The following GHR variants were observed in gnomAD, a reference collection of about 807,000 sequenced individuals.
GHR encodes growth hormone receptor.
A neutral mutation model predicts 67.1 loss-of-function variants in GHR; 35 were observed. The observed-to-expected ratio is 0.52, with a 90% CI of 0.40 to 0.69. The LOEUF (loss-of-function observed/expected upper bound fraction) is 0.69. Among genes scored for constraint, GHR ranks in the 30% least tolerant of loss-of-function variants. The pLI is 0.00. For synonymous variants in GHR, 272 were observed against 269.1 expected (o/e 1.01, Z -0.10); for missense variants, 792 against 764.6 (o/e 1.04, Z -0.42).
At chr5:42,645,087 C>T (rs189372442) in intron 3 of GHR, among the ~76,000 whole-genome samples, 2 of 152,114 alleles carry the variant, frequency 1.3e-5, no homozygotes, top group Non-Finnish European at 2.9e-5. Flanking sequence ...TGTGAGAAAA[C>T]CAGAAAATAT....
At chr5:42,593,455 T>G (rs1751899041) in intron 2 of GHR, among the ~76,000 whole-genome samples, 1 of 152,166 alleles carries the variant, frequency 6.6e-6, no homozygotes, top group Non-Finnish European at 1.5e-5. Flanking sequence ...TGGTGAGCAT[T>G]TATAGAGTCC....
intron 2 of GHR, among the ~76,000 whole-genome samples, chr5:42,608,617 A>G (rs1469445258): frequency 1.3e-5 from 2 of 152,212 alleles, no homozygotes; most frequent in African/African-American, 4.8e-5. Flanking sequence ...AGATTGAAAG[A>G]CACTAATTAA....
intron 1 of GHR, among the ~76,000 whole-genome samples, chr5:42,522,650 T>G (rs1256813064): frequency 6.6e-6 from 1 of 152,196 alleles, no homozygotes; most frequent in African/African-American, 2.4e-5. Flanking sequence ...GAGATTGCTA[T>G]CTACTCATCA....
At chr5:42,643,948 C>T (rs1754604736) in intron 3 of GHR, among the ~76,000 whole-genome samples, 1 of 151,986 alleles carries the variant, frequency 6.6e-6, no homozygotes, top group South Asian at 2.1e-4. Context: ...TGAATTTTTG[C>T]ATGAATTGCA....
At chr5:42,441,428 T>G (rs1399304818) in intron 1 of GHR, among the ~76,000 whole-genome samples, 1 of 151,862 alleles carries the variant, frequency 6.6e-6, no homozygotes, top group South Asian at 2.1e-4. Flanking sequence ...AGAGAGACAA[T>G]GAATATAGAT....
At position 42,721,439 on chromosome 5, in the gene GHR, C is replaced by T. The variant is rs1303790195; in HGVS notation, c.*2015C>T. On this transcript the variant is annotated 3_prime_UTR_variant, in exon 10 of 10. Transcript: ENST00000230882. Reference sequence around the variant, plus strand: ...TAAATTCTCTCTCTTGCAGGAAGGACTATGAAAAGCTAGAATTGAGTGTTT... The same window carrying T: ...TAAATTCTCTCTCTTGCAGGAAGGATTATGAAAAGCTAGAATTGAGTGTTT... The T allele has an allele frequency of 1.3e-5, 2 of 152,306 alleles. No individual in the cohort carries two copies. The highest frequency in any genetic ancestry group is 2.9e-5 in the Non-Finnish European group (2 of 68,034). The allele number at this position is 152,306 out of a possible 1,614,324, so 9.4% of individuals were successfully genotyped here.
At chr5:42,514,772 T>C (rs1032459848) in intron 1 of GHR, 3 of 152,226 alleles carry the variant, frequency 2.0e-5, no homozygotes, top group Non-Finnish European at 2.9e-5. Flanking sequence ...CCCCATTTCA[T>C]TGCTAAGAGA....
intron 3 of GHR, among the ~76,000 whole-genome samples, chr5:42,654,677 T>A (rs1580133247): frequency 6.6e-6 from 1 of 152,256 alleles, no homozygotes; most frequent in East Asian, 1.9e-4. Context: ...TGGAGTTTCC[T>A]AAGCTTGTCC....
At chr5:42,678,141 A>G (rs1756661611) in intron 3 of GHR, among the ~76,000 whole-genome samples, 1 of 152,168 alleles carries the variant, frequency 6.6e-6, no homozygotes, top group Non-Finnish European at 1.5e-5. Flanking sequence ...CAGGTGAGGA[A>G]ACTGAAGAAG....
intron 2 of GHR, among the ~76,000 whole-genome samples, chr5:42,609,817 T>C (rs1187179976): frequency 1.3e-5 from 2 of 152,220 alleles, no homozygotes; most frequent in African/African-American, 4.8e-5. Context: ...TCCTTTTCTG[T>C]AATTTAAAAA....
At chr5:42,652,130 C>T (rs1755043488) in intron 3 of GHR, among the ~76,000 whole-genome samples, 1 of 152,124 alleles carries the variant, frequency 6.6e-6, no homozygotes, top group South Asian at 2.1e-4. Flanking sequence ...CATCTCACTT[C>T]CTATACCAAA....
intron 1 of GHR, among the ~76,000 whole-genome samples, chr5:42,502,547 TGAAAG>T (rs2112235390): frequency 6.6e-6 from 1 of 152,120 alleles, no homozygotes; most frequent in East Asian, 1.9e-4. Flanking sequence ...GGTTGGAACT[TGAAAG>T]GAATAATGGC....
intron 3 of GHR, among the ~76,000 whole-genome samples, chr5:42,668,907 A>T (rs1756133318): frequency 6.6e-6 from 1 of 152,176 alleles, no homozygotes; most frequent in Non-Finnish European, 1.5e-5. Flanking sequence ...AAGTTGAAAA[A>T]TCCTAAGTCA....
At chr5:42,633,933 A>G (rs1282964689) in intron 3 of GHR, among the ~76,000 whole-genome samples, 1 of 152,146 alleles carries the variant, frequency 6.6e-6, no homozygotes, top group Non-Finnish European at 1.5e-5. Flanking sequence ...AACTTTATCC[A>G]CAAAGCTTTG....
At chr5:42,647,661 A>C (rs750299197) in intron 3 of GHR, 1 of 453,390 alleles carries the variant, frequency 2.2e-6, no homozygotes, top group African/African-American at 2.0e-5. Flanking sequence ...GGAGTCTTAC[A>C]TGCAAGCCTA....
intron 1 of GHR, among the ~76,000 whole-genome samples, chr5:42,547,642 T>G (rs1162331731): frequency 6.6e-6 from 1 of 152,162 alleles, no homozygotes; most frequent in Non-Finnish European, 1.5e-5. Context: ...TTCTGCCCAA[T>G]TGACCAAAAT....
rs966651629 is a variant in GHR at position 42,566,072 on chromosome 5, T to G, written c.70+128T>G. ...TTTTACATAGCAGCAAAAAGGAAAC[T>G]TGACTTAGCTTTAAAATCAGAAACT... On this transcript the variant is annotated intron_variant, in intron 2 of 9. Transcript: ENST00000230882. The G allele has an allele frequency of 1.9e-5, 20 of 1,038,390 alleles. No individual in the cohort carries two copies. The African/African-American group carries it at 2.4e-4, about 12-fold the overall frequency. The allele number at this position is 1,038,390 out of a possible 1,614,324, so 64.3% of individuals were successfully genotyped here.
chr5:42,588,467 C>G (rs564703515), intron 2 of GHR, among the ~76,000 whole-genome samples: 2 of 135,986 alleles, frequency 1.5e-5, no homozygotes, highest in Non-Finnish European at 3.0e-5. Context: ...TTGCTGTGAG[C>G]GAGATCGCGC....
At chr5:42,554,712 G>A (rs1407826153) in intron 1 of GHR, among the ~76,000 whole-genome samples, 1 of 152,090 alleles carries the variant, frequency 6.6e-6, no homozygotes, top group Non-Finnish European at 1.5e-5. Flanking sequence ...ATGTATGTGA[G>A]TGTAAAAGGC....
Sources: gnomAD v4.1 joint callset for allele counts (sites outside exome capture counted in the v4.1 genomes callset) on GRCh38, gnomAD v4.1.1 for gene constraint, MANE v1.5 for transcripts, NCBI Gene and HGNC (gene_info 2026-07-23, HGNC 2026-07-21) for gene names.